The following GRM7 variants were observed in gnomAD, a reference collection of about 807,000 sequenced individuals.
GRM7 encodes glutamate metabotropic receptor 7, also known as metabotropic glutamate receptor 7.
Under a neutral mutation model 84.5 loss-of-function variants are expected in GRM7, and 35 were observed. The observed-to-expected ratio is 0.41, with a 90% CI of 0.32 to 0.55. The LOEUF (loss-of-function observed/expected upper bound fraction) is 0.55, where lower values mean the gene tolerates loss of function less well. Ranked by LOEUF, GRM7 falls within the 20% of genes least tolerant of loss-of-function variation. The probability of loss-of-function intolerance (pLI) is 0.19; values close to 1 mark genes in which losing one functional copy is unlikely to be tolerated. For synonymous variants in GRM7, 487 were observed against 455.1 expected (o/e 1.07, Z -0.89); for missense variants, 1,003 against 1,194.6 (o/e 0.84, Z 2.36).
At chr3:6,987,532 G>A (rs1219709423) in intron 1 of GRM7, among the ~76,000 whole-genome samples, 1 of 152,162 alleles carries the variant, frequency 6.6e-6, no homozygotes, top group Non-Finnish European at 1.5e-5. Flanking sequence ...GCCTGGCACA[G>A]GTAAGAGCAA....
At chr3:7,513,823 CTA>C (rs1397527203) in intron 7 of GRM7, among the ~76,000 whole-genome samples, 1 of 152,204 alleles carries the variant, frequency 6.6e-6, no homozygotes, top group Non-Finnish European at 1.5e-5. Flanking sequence ...GATCACTTCA[CTA>C]TGTTTTCTGT....
At chr3:7,276,805 T>TCCCTTCCCTTCCTCCCTTCCCTTCCC (rs1699086677) in intron 2 of GRM7, among the ~76,000 whole-genome samples, 4 of 1,334 alleles carry the variant, frequency 3.0e-3, no homozygotes, top group African/African-American at 3.5e-3. Context: ...CTTCCTTCCT[T>TCCCTTCCCTTCCTCCCTTCCCTTCCC]TTTGGTGGTG....
intron 3 of GRM7, among the ~76,000 whole-genome samples, chr3:7,300,525 T>C (rs1699961645): frequency 6.6e-6 from 1 of 152,188 alleles, no homozygotes; most frequent in Admixed American, 6.5e-5. Context: ...TGAACATCCT[T>C]CGGAGTTCTT....
chr3:7,087,101 G>A (rs527741675), intron 1 of GRM7, among the ~76,000 whole-genome samples: 18 of 152,106 alleles, frequency 1.2e-4, no homozygotes, highest in Non-Finnish European at 2.6e-4. Context: ...TTTTTTTAGG[G>A]GTAATGTTTC....
chr3:7,205,602 A>G (rs545953790), intron 2 of GRM7, among the ~76,000 whole-genome samples: 42 of 152,326 alleles, frequency 2.8e-4, no homozygotes, highest in African/African-American at 1.0e-3. Flanking sequence ...TTTCTCTGAG[A>G]TGGCAAGTCT....
chr3:7,703,456 T>G (rs1226637204), intron 9 of GRM7, among the ~76,000 whole-genome samples: 1 of 151,792 alleles, frequency 6.6e-6, no homozygotes, highest in African/African-American at 2.4e-5. Flanking sequence ...TTTTTTAATC[T>G]GGTGGATGGC....
At chr3:7,339,186 C>T (rs892439963) in intron 4 of GRM7, among the ~76,000 whole-genome samples, 2 of 152,064 alleles carry the variant, frequency 1.3e-5, no homozygotes, top group African/African-American at 4.8e-5. Context: ...CCACTTTATC[C>T]TCTCTGAATT....
chr3:7,661,475 G>C (rs932259770), intron 8 of GRM7, among the ~76,000 whole-genome samples: 2 of 152,116 alleles, frequency 1.3e-5, no homozygotes, highest in African/African-American at 4.8e-5. Context: ...TGGAGGAACT[G>C]AAACTCTCAT....
At position 7,541,372 on chromosome 3, in the gene GRM7, C is replaced by T. The variant is rs1036238776; in HGVS notation, c.1516-37050C>T. 7.2e-5 allele frequency among the ~76,000 whole-genome samples: 11 copies of T among 151,962 alleles called. No homozygotes were observed. The East Asian group carries it at 9.7e-4, about 13-fold the overall frequency. ...GATTTTGGGGCCGTATTTTATACCA[C>T]GCTTTGTTAGATTTTGGTGGGAGTG... is the stretch of plus-strand genomic sequence containing the variant. On this transcript the variant is annotated intron_variant, in intron 7 of 9. Transcript: ENST00000357716.
intron 1 of GRM7, among the ~76,000 whole-genome samples, chr3:6,874,387 C>T (rs1695231654): frequency 1.3e-5 from 2 of 152,114 alleles, no homozygotes; most frequent in Non-Finnish European, 2.9e-5. Flanking sequence ...AAACTGTACC[C>T]CCAGTCAGAG....
intron 1 of GRM7, among the ~76,000 whole-genome samples, chr3:6,934,474 C>T (rs1697618467): frequency 6.6e-6 from 1 of 152,096 alleles, no homozygotes; most frequent in Admixed American, 6.5e-5. Context: ...TATATCATTA[C>T]AATTCGGAGT....
intron 5 of GRM7, among the ~76,000 whole-genome samples, chr3:7,422,182 G>C (rs1360434667): frequency 1.3e-5 from 2 of 151,998 alleles, no homozygotes; most frequent in African/African-American, 2.4e-5. Flanking sequence ...TCCTCTCAAG[G>C]GCAGGTAGTA....
chr3:6,901,861 A>G (rs1231920080), intron 1 of GRM7, among the ~76,000 whole-genome samples: 2 of 151,818 alleles, frequency 1.3e-5, no homozygotes, highest in Admixed American at 6.6e-5. Flanking sequence ...TATTTTTCTA[A>G]GCATCATAAT....
chr3:7,134,672 C>A (rs562983135), intron 1 of GRM7, among the ~76,000 whole-genome samples: 1 of 152,178 alleles, frequency 6.6e-6, no homozygotes, highest in African/African-American at 2.4e-5. Flanking sequence ...CCATGTCTCC[C>A]TAAACCGCAG....
In GRM7 at chr3:6,862,814, G is replaced by A; in HGVS notation, c.519+907G>A. 3.3e-6 allele frequency: 1 copy of A among 304,004 alleles called. No individual in the cohort carries two copies. Among genetic ancestry groups the A allele is most frequent in the South Asian group, 2.4e-5 (1 of 42,042 alleles). 18.8% of individuals were successfully genotyped at this position (304,004 alleles called of 1,614,324 possible). ...ACGATTCCCGGAGCGAGGCATGAAG[G>A]CGCCCGTTGGGAGGCAGAGGGGTGC... On this transcript the variant is annotated intron_variant, in intron 1 of 9. Coordinates refer to ENST00000357716, the MANE Select transcript of GRM7 (RefSeq NM_000844.4). This position sits in a 1 kb window ranked among gnomAD's most constrained non-coding sequence, Gnocchi z 5.2.
At chr3:7,347,819 A>G (rs911441147) in intron 4 of GRM7, among the ~76,000 whole-genome samples, 2 of 152,158 alleles carry the variant, frequency 1.3e-5, no homozygotes, top group African/African-American at 2.4e-5. Context: ...TCCAGCACAT[A>G]TAATTGGTCT....
rs1694295575 is a variant in GRM7, at chr3:7,151,770, C to T, written c.736+5102C>T. ...CTAGAAGGCCATAAAATACTACATC[C>T]TAGATCTGCTTGCTGTGGTTTAGTA... is the stretch of plus-strand genomic sequence containing the variant. On this transcript the variant is annotated intron_variant, in intron 2 of 9. Coordinates refer to ENST00000357716, the MANE Select transcript of GRM7 (RefSeq NM_000844.4). This position sits in a 1 kb window ranked among gnomAD's most constrained non-coding sequence, Gnocchi z 4.5. 1.3e-5 allele frequency among the ~76,000 whole-genome samples: 2 copies of T among 152,048 alleles called. No homozygotes were observed. Among genetic ancestry groups the T allele is most frequent in the Admixed American group, 6.6e-5 (1 of 15,264 alleles).
intron 5 of GRM7, among the ~76,000 whole-genome samples, chr3:7,451,415 A>C (rs1343362687): frequency 1.3e-5 from 2 of 152,214 alleles, no homozygotes; most frequent in African/African-American, 4.8e-5. Context: ...TCGGTGTGAC[A>C]AACAGTTGGG....
intron 1 of GRM7, among the ~76,000 whole-genome samples, chr3:7,014,716 C>T (rs939707343): frequency 1.3e-5 from 2 of 152,178 alleles, no homozygotes; most frequent in Non-Finnish European, 2.9e-5. Flanking sequence ...TATCTGTCTC[C>T]TTGATTGTAA....
Sources: gnomAD v4.1 joint callset for allele counts (sites outside exome capture counted in the v4.1 genomes callset) on GRCh38, gnomAD v4.1.1 for gene constraint, Gnocchi (gnomAD v3.1) non-coding constraint, MANE v1.5 for transcripts, NCBI Gene and HGNC (gene_info 2026-07-23, HGNC 2026-07-21) for gene names.